NPEPPS: variants seen among roughly 807,000 people sequenced by gnomAD.
NPEPPS encodes the protein aminopeptidase puromycin sensitive, also known as puromycin-sensitive aminopeptidase.
NPEPPS carries 14 observed loss-of-function variants against 115.5 expected under a neutral mutation model. The observed-to-expected ratio is 0.12, with a 90% CI of 0.08 to 0.19. NPEPPS has a LOEUF of 0.19. NPEPPS is among the 10% of genes least tolerant of loss of function. NPEPPS has a pLI of 1.00. For synonymous variants in NPEPPS, 285 were observed against 390.6 expected (o/e 0.73, Z 3.19); for missense variants, 523 against 1,110.8 (o/e 0.47, Z 7.52).
At chr17:47,528,585 A>G (rs1234935053), upstream of NPEPPS, among the ~76,000 whole-genome samples, 1 of 152,182 alleles carries the variant, frequency 6.6e-6, no homozygotes, top group South Asian at 2.1e-4. Flanking sequence ...TGTAAAATAC[A>G]TGCTGGATTT....
rs1255495084 is a variant in NPEPPS, at chr17:47,578,697, G to A, written c.419-693G>A. Among the ~76,000 whole-genome samples, 4 of 151,806 alleles carry A rather than the reference G, an allele frequency of 2.6e-5. No individual in the cohort carries two copies. The East Asian group carries it at 7.7e-4, about 29-fold the overall frequency. ...TCTTTGTCAGATTTCAAATGATTGA[G>A]GTGACTTGTAAGAATTTGTTTTATG... On this transcript the variant is annotated intron_variant, in intron 3 of 22. Transcript: ENST00000322157.
chr17:47,584,926 C>G (rs1912094230), intron 5 of NPEPPS, among the ~76,000 whole-genome samples: 1 of 152,136 alleles, frequency 6.6e-6, no homozygotes, highest in African/African-American at 2.4e-5. Flanking sequence ...CTCCCTAGTT[C>G]ACGACATTCT....
At chr17:47,605,071 G>C (rs1000652067) in intron 16 of NPEPPS, among the ~76,000 whole-genome samples, 2 of 152,104 alleles carry the variant, frequency 1.3e-5, no homozygotes, top group African/African-American at 4.8e-5. Context: ...GACTCTTAGT[G>C]TAATTTTTAA....
intron 1 of NPEPPS, among the ~76,000 whole-genome samples, chr17:47,541,913 G>C (rs2039324214): frequency 6.6e-6 from 1 of 152,162 alleles, no homozygotes; most frequent in South Asian, 2.1e-4. Context: ...AGCCAAAGTA[G>C]TTTCACTTTA....
chr17:47,613,587 C>A, intron 18 of NPEPPS, 82 bp from the exon 19 acceptor site: 1 of 1,193,936 alleles, frequency 8.4e-7, no homozygotes, highest in Non-Finnish European at 1.2e-6. Flanking sequence ...ATATTGTTTA[C>A]TTGCTTTCTG....
intron 17 of NPEPPS, among the ~76,000 whole-genome samples, chr17:47,608,328 G>A (rs1305031299): frequency 6.6e-6 from 1 of 152,086 alleles, no homozygotes. Flanking sequence ...GGTGGCACAC[G>A]CCTGTAGTCC....
At chr17:47,550,077 G>A (rs951047240) in intron 2 of NPEPPS, among the ~76,000 whole-genome samples, 6 of 150,870 alleles carry the variant, frequency 4.0e-5, no homozygotes, top group Admixed American at 3.3e-4. Context: ...TGGGGCTATA[G>A]GCGCACGCTG....
intron 2 of NPEPPS, among the ~76,000 whole-genome samples, chr17:47,552,476 T>C (rs1470686085): frequency 1.3e-5 from 2 of 152,204 alleles, no homozygotes; most frequent in African/African-American, 4.8e-5. Flanking sequence ...TGCAGTGTAT[T>C]TGCATTCTTT....
chr17:47,532,100 G>A (rs1907833493), intron 1 of NPEPPS, among the ~76,000 whole-genome samples: 1 of 152,074 alleles, frequency 6.6e-6, no homozygotes, highest in African/African-American at 2.4e-5. Context: ...GGGGGAGAGG[G>A]TGAGAACGAG....
Position 47,596,361 on chromosome 17 carries a change from TG to T in NPEPPS, c.1438del (p.Glu480LysfsTer3). Reference protein sequence around the residue: ...QQKNAATEDLWESLENASGKP... With the variant: ...QQKNAATEDLXESLENASGKP... ...CATTGTTTATCTTCTAGAGGATCTC[TG>T]GGAAAGTTTAGAAAATGCTAGTGGT... is the stretch of plus-strand genomic sequence containing the variant. On this transcript the variant is annotated frameshift_variant, in exon 13 of 23. Coordinates refer to ENST00000322157, the MANE Select transcript of NPEPPS (RefSeq NM_006310.4). LOFTEE classifies it high-confidence loss of function. 6.4e-7 allele frequency: 1 copy of T among 1,564,310 alleles called. No homozygotes were observed. The highest frequency in any genetic ancestry group is 8.7e-7 in the Non-Finnish European group (1 of 1,149,898).
At chr17:47,528,356 T>C (rs550682766), upstream of NPEPPS, among the ~76,000 whole-genome samples, 6 of 152,184 alleles carry the variant, frequency 3.9e-5, no homozygotes, top group South Asian at 1.2e-3. Flanking sequence ...CAGTAAGTGG[T>C]CATAGAACTA....
chr17:47,605,348 A>C lies in NPEPPS; in HGVS notation c.1891A>C (p.Ile631Leu). ...DLFSLARAGI[I>L]STVEVLKVME... Reference sequence around the variant, plus strand: ...CCTATCCCAGGCTCGAGCTGGAATCATTAGCACTGTAGAGGTTCTAAAAGT... The same window carrying C: ...CCTATCCCAGGCTCGAGCTGGAATCCTTAGCACTGTAGAGGTTCTAAAAGT... Residue 631 changes from isoleucine (I) to leucine (L), a missense_variant, in exon 17 of 23, where the codon ATT (isoleucine) becomes CTT (leucine). Physicochemically the swap from Ile to Leu is conservative, Grantham distance 5. This residue lies in a region of NPEPPS where 372 missense variants were observed against 542.6 expected (regional missense o/e 0.69). Transcript: ENST00000322157. The C allele has an allele frequency of 6.2e-7, 1 of 1,608,152 alleles. No homozygotes were observed. The highest frequency in any genetic ancestry group is 8.5e-7 in the Non-Finnish European group (1 of 1,177,296).
In NPEPPS at chr17:47,531,638, G is replaced by A. The variant is rs2038502959; in HGVS notation, c.255+83G>A. 4 of 1,418,362 alleles carry A rather than the reference G, an allele frequency of 2.8e-6. No homozygotes were observed. In the East Asian group the frequency reaches 1.2e-4, roughly 42 times the overall value. The allele number at this position is 1,418,362 out of a possible 1,614,324, so 87.9% of individuals were successfully genotyped here. On this transcript the variant is annotated intron_variant, in intron 1 of 22. Transcript: ENST00000322157. ...GCGGGCTGGACTCAGGGCCCGGCCGGGAGGGCGGGCGGGCCTCGGGTCGGG... is the reference window on the plus strand; with the variant it reads ...GCGGGCTGGACTCAGGGCCCGGCCGAGAGGGCGGGCGGGCCTCGGGTCGGG...
rs200402839 is a variant in NPEPPS at position 47,605,514 on chromosome 17, T to C, written c.2057T>C (p.Ile686Thr). The C allele has an allele frequency of 5.2e-4, 835 of 1,599,038 alleles. 5 individuals are homozygous for C. Among genetic ancestry groups the C allele is most frequent in the Non-Finnish European group, 1.1e-4 (128 of 1,172,020 alleles). The change falls in exon 17 of 23, where the codon ATA becomes ACA. Residue 686 changes from isoleucine to threonine, a missense_variant. Transcript: ENST00000322157. Reference sequence around the variant, plus strand: ...TTTGTGAAAGATGTCTTTTCACCTATAGGGGAGAGACTGGGCTGGGACCCC... The same window carrying C: ...TTTGTGAAAGATGTCTTTTCACCTACAGGGGAGAGACTGGGCTGGGACCCC... ...QEFVKDVFSPIGERLGWDPKP... is the reference protein window; with the variant it reads ...QEFVKDVFSPTGERLGWDPKP...
intron 18 of NPEPPS, 144 bp from the exon 19 acceptor site, chr17:47,613,525 C>T (rs1914006823): frequency 1.6e-6 from 1 of 617,792 alleles, no homozygotes; most frequent in East Asian, 3.1e-5. Flanking sequence ...CCTCGGCCTC[C>T]CAAAGTGCAG....
chr17:47,590,636 G>A (rs1007210978), intron 9 of NPEPPS, 81 bp from the exon 10 acceptor site: 7 of 1,447,016 alleles, frequency 4.8e-6, no homozygotes, highest in East Asian at 2.5e-5. Context: ...GGAATATAGT[G>A]GAAGGGACAT....
chr17:47,586,359 G>A lies in NPEPPS; in HGVS notation c.947-6G>A. 4 of 1,488,592 alleles carry A rather than the reference G, an allele frequency of 2.7e-6. No homozygotes were observed. The highest frequency in any genetic ancestry group is 1.4e-5 in the African/African-American group (1 of 71,176). The allele number at this position is 1,488,592 out of a possible 1,614,324, so 92.2% of individuals were successfully genotyped here. ...ATCAATAAATGTTTATATTTATTTT[G>A]TGAAGGTGCCATGGAGAACTGGGGC... On this transcript the variant is annotated splice_polypyrimidine_tract_variant and splice_region_variant and intron_variant, in intron 7 of 22. Transcript: ENST00000322157.
intron 2 of NPEPPS, among the ~76,000 whole-genome samples, chr17:47,560,541 G>A (rs1910361257): frequency 6.6e-6 from 1 of 152,110 alleles, no homozygotes; most frequent in South Asian, 2.1e-4. Flanking sequence ...ATATCTGATT[G>A]GCTTTTATGC....
intron 19 of NPEPPS, among the ~76,000 whole-genome samples, chr17:47,614,871 C>T (rs140897963): frequency 6.6e-6 from 1 of 152,196 alleles, no homozygotes; most frequent in Non-Finnish European, 1.5e-5. Context: ...TAACAACACT[C>T]TTCTGACTTA....
Sources: allele counts gnomAD v4.1 joint callset (sites outside exome capture counted in the v4.1 genomes callset), GRCh38; gene constraint gnomAD v4.1.1; regional missense constraint gnomAD v4.1.1; transcripts MANE v1.5; gene names NCBI Gene and HGNC (gene_info 2026-07-23, HGNC 2026-07-21).